CSNK2A2IP: variants seen among roughly 807,000 people sequenced by gnomAD.
CSNK2A2IP encodes casein kinase 2 subunit alpha' interacting protein.
chr3:88,355,380 C>T, the CSNK2A2IP span, among the ~76,000 whole-genome samples: 1 of 151,998 alleles, frequency 6.6e-6, no homozygotes, highest in African/African-American at 2.4e-5. Context: ...GGAGCTCCTG[C>T]CCAGAGTCTG....
At chr3:88,460,546 G>A in the CSNK2A2IP span, among the ~76,000 whole-genome samples, 20 of 151,956 alleles carry the variant, frequency 1.3e-4, no homozygotes, top group African/African-American at 4.8e-4. Context: ...ATTTTGTTTC[G>A]GATGTGTCTT....
At chr3:88,385,118 G>C in the CSNK2A2IP span, among the ~76,000 whole-genome samples, 1 of 152,176 alleles carries the variant, frequency 6.6e-6, no homozygotes, top group African/African-American at 2.4e-5. Flanking sequence ...ATCACCTTGG[G>C]AGAGAGTATA....
chr3:88,383,075 C>T, the CSNK2A2IP span, among the ~76,000 whole-genome samples: 2,850 of 151,192 alleles, frequency 0.019, 83 homozygotes, highest in African/African-American at 0.063. Flanking sequence ...TTTCTTCCTC[C>T]TCCCCTCTCT....
the CSNK2A2IP span, among the ~76,000 whole-genome samples, chr3:88,442,496 T>C: frequency 6.6e-6 from 1 of 152,148 alleles, no homozygotes; most frequent in Non-Finnish European, 1.5e-5. Flanking sequence ...TAACTAGAGT[T>C]GGTACTATAT....
At chr3:88,351,993 A>T in the CSNK2A2IP span, among the ~76,000 whole-genome samples, 1 of 152,218 alleles carries the variant, frequency 6.6e-6, no homozygotes, top group South Asian at 2.1e-4. Flanking sequence ...TAATCTCCAC[A>T]ATACAACCAC....
At chr3:88,466,413 C>T in the CSNK2A2IP span, 2 of 1,231,938 alleles carry the variant, frequency 1.6e-6, no homozygotes, top group Non-Finnish European at 2.0e-6. Flanking sequence ...CACCAAATGG[C>T]AAACACAGAG....
the CSNK2A2IP span, among the ~76,000 whole-genome samples, chr3:88,354,150 C>G: frequency 3.3e-5 from 5 of 152,330 alleles, no homozygotes; most frequent in African/African-American, 1.2e-4. Context: ...GAAGCAGTTG[C>G]TGATGCTACC....
At chr3:88,418,352 C>T in the CSNK2A2IP span, among the ~76,000 whole-genome samples, 2 of 152,084 alleles carry the variant, frequency 1.3e-5, no homozygotes, top group South Asian at 4.1e-4. Flanking sequence ...CTAAAGCACT[C>T]TCCACACAAG....
chr3:88,443,444 A>C, the CSNK2A2IP span, among the ~76,000 whole-genome samples: 1 of 152,212 alleles, frequency 6.6e-6, no homozygotes, highest in Non-Finnish European at 1.5e-5. Flanking sequence ...TGGGTCAAAG[A>C]GAAAAGGTCA....
the CSNK2A2IP span, among the ~76,000 whole-genome samples, chr3:88,363,912 G>A: frequency 1.3e-4 from 20 of 152,246 alleles, no homozygotes; most frequent in South Asian, 4.1e-3. Context: ...TGTTCCTGAG[G>A]TTTTCTTCCC....
At chr3:88,399,072 T>G in the CSNK2A2IP span, among the ~76,000 whole-genome samples, 1 of 152,116 alleles carries the variant, frequency 6.6e-6, no homozygotes, top group Non-Finnish European at 1.5e-5. Context: ...ATAATTTTAA[T>G]AAAATATTAA....
the CSNK2A2IP span, among the ~76,000 whole-genome samples, chr3:88,347,290 G>A: frequency 2.6e-5 from 4 of 151,938 alleles, no homozygotes; most frequent in African/African-American, 9.7e-5. Flanking sequence ...GCAGTAGCAG[G>A]GTTTGAGAGG....
the CSNK2A2IP span, among the ~76,000 whole-genome samples, chr3:88,453,232 T>C: frequency 2.7e-3 from 413 of 152,168 alleles, 1 homozygote; most frequent in African/African-American, 9.3e-3. Context: ...AAGAATTAAA[T>C]CTAAGAAAAT....
At chr3:88,437,610 T>A in the CSNK2A2IP span, among the ~76,000 whole-genome samples, 1 of 152,200 alleles carries the variant, frequency 6.6e-6, no homozygotes, top group Non-Finnish European at 1.5e-5. Context: ...TAGCAACTTT[T>A]TTTGCAAGTC....
the CSNK2A2IP span, among the ~76,000 whole-genome samples, chr3:88,354,325 G>A: frequency 6.6e-6 from 1 of 152,204 alleles, no homozygotes; most frequent in African/African-American, 2.4e-5. Context: ...TAGGGTGGTT[G>A]TAGTAATTAG....
the CSNK2A2IP span, among the ~76,000 whole-genome samples, chr3:88,431,563 A>T: frequency 6.6e-6 from 1 of 152,136 alleles, no homozygotes; most frequent in East Asian, 1.9e-4. Flanking sequence ...TAAGGAACTT[A>T]CTCATGTAAC....
At chr3:88,365,654 A>T in the CSNK2A2IP span, among the ~76,000 whole-genome samples, 1 of 152,064 alleles carries the variant, frequency 6.6e-6, no homozygotes, top group African/African-American at 2.4e-5. Flanking sequence ...TTAGAACTTA[A>T]TCTTTATGCA....
At chr3:88,360,819 G>T in the CSNK2A2IP span, among the ~76,000 whole-genome samples, 79 of 50,346 alleles carry the variant, frequency 1.6e-3, no homozygotes, top group African/African-American at 2.3e-3. Flanking sequence ...TAATTTTTTG[G>T]TTTTTTTTAT....
chr3:88,443,470 A>C, the CSNK2A2IP span, among the ~76,000 whole-genome samples: 1 of 152,160 alleles, frequency 6.6e-6, no homozygotes, highest in Non-Finnish European at 1.5e-5. Context: ...ATGAAGAGAA[A>C]AGTCTTGGAA....
Sources: allele counts gnomAD v4.1 joint callset (sites outside exome capture counted in the v4.1 genomes callset), GRCh38; gene constraint gnomAD v4.1.1; transcripts MANE v1.5; gene names NCBI Gene and HGNC (gene_info 2026-07-23, HGNC 2026-07-21).